Variants in PRUNE2 observed in about 807,000 individuals in gnomAD.
PRUNE2 encodes the protein prune homolog 2 with BCH domain.
Under a neutral mutation model 252.0 loss-of-function variants are expected in PRUNE2, and 164 were observed. That is an observed-to-expected ratio of 0.65 (90% CI 0.57 to 0.74). The LOEUF is 0.74. Among genes scored for constraint, PRUNE2 ranks in the 30% least tolerant of loss-of-function variants. The pLI is 0.00. For synonymous variants in PRUNE2, 1,292 were observed against 1,350.2 expected (o/e 0.96, Z 0.94); for missense variants, 3,495 against 3,711.0 (o/e 0.94, Z 1.51).
At chr9:76,795,928 C>G (rs542020639) in intron 6 of PRUNE2, among the ~76,000 whole-genome samples, 21 of 152,240 alleles carry the variant, frequency 1.4e-4, no homozygotes, top group South Asian at 4.1e-4. Context: ...AAGACTCAAA[C>G]AGATAGATAT....
At chr9:76,725,978 T>C (rs58110854) in intron 6 of PRUNE2, among the ~76,000 whole-genome samples, 1,768 of 152,300 alleles carry the variant, frequency 0.012, 33 homozygotes, top group East Asian at 0.085. Flanking sequence ...AAGAAGAGCC[T>C]GAGCACGCGC....
intron 4 of PRUNE2, among the ~76,000 whole-genome samples, chr9:76,841,323 G>A (rs2059382746): frequency 6.6e-6 from 1 of 152,206 alleles, no homozygotes; most frequent in African/African-American, 2.4e-5. Context: ...GCAACTCACA[G>A]ACCAGGAGAT....
At chr9:76,768,995 G>A (rs888066453) in intron 6 of PRUNE2, among the ~76,000 whole-genome samples, 1 of 152,134 alleles carries the variant, frequency 6.6e-6, no homozygotes, top group East Asian at 1.9e-4. Flanking sequence ...AGTCCTCTCA[G>A]CAGACCTTCT....
rs1196293979 is a variant in PRUNE2, at chr9:76,705,836, A to T, written c.6438T>A (p.Ile2146=). ...LTEPEIDEEP[I]YEPGREFVPS... The stretch of plus-strand genomic sequence containing the variant: ...GGACAAACTCCCGTCCAGGCTCATA[A>T]ATGGGTTCTTCATCTATCTCTGGCT... The change falls in exon 8 of 19, where the codon ATT becomes ATA. Residue 2146 remains isoleucine, a synonymous_variant. Coordinates refer to ENST00000376718, the MANE Select transcript of PRUNE2 (RefSeq NM_015225.3). 5 of 1,613,600 alleles carry T rather than the reference A, an allele frequency of 3.1e-6. No homozygotes were observed. The Admixed American group carries it at 5.0e-5, about 16-fold the overall frequency.
chr9:76,763,416 G>A (rs115251222), intron 6 of PRUNE2, among the ~76,000 whole-genome samples: 2,584 of 152,248 alleles, frequency 0.017, 64 homozygotes, highest in African/African-American at 0.052. Context: ...AAGCATAGGC[G>A]TGCTTCTGGG....
intron 10 of PRUNE2, 44 bp downstream of exon 10, chr9:76,655,379 G>C: frequency 7.5e-7 from 1 of 1,329,336 alleles, no homozygotes; most frequent in South Asian, 1.2e-5. Context: ...AAAACGTTGG[G>C]ATACAGAATA....
intron 2 of PRUNE2, among the ~76,000 whole-genome samples, chr9:76,852,024 T>C (rs1176476057): frequency 6.6e-6 from 1 of 152,228 alleles, no homozygotes; most frequent in African/African-American, 2.4e-5. Flanking sequence ...TTTTAACACC[T>C]TAATCATCTG....
chr9:76,730,686 G>T (rs147823930), intron 6 of PRUNE2, among the ~76,000 whole-genome samples: 3,008 of 152,318 alleles, frequency 0.02, 94 homozygotes, highest in African/African-American at 0.067. Flanking sequence ...CAGATCACGA[G>T]GTCAGGAGTT....
intron 11 of PRUNE2, among the ~76,000 whole-genome samples, chr9:76,648,455 C>G (rs1235002353): frequency 6.6e-6 from 1 of 152,174 alleles, no homozygotes; most frequent in African/African-American, 2.4e-5. Context: ...TAACCTGTGA[C>G]TTGTCCAGAC....
At chr9:76,629,812 C>CT (rs1836703046) in intron 15 of PRUNE2, among the ~76,000 whole-genome samples, 1 of 152,092 alleles carries the variant, frequency 6.6e-6, no homozygotes, top group Admixed American at 6.6e-5. Context: ...ATAAGCTCAA[C>CT]TTTTTTAGAT....
chr9:76,884,722 C>A (rs532217531), intron 1 of PRUNE2, among the ~76,000 whole-genome samples: 1 of 152,186 alleles, frequency 6.6e-6, no homozygotes, highest in Admixed American at 6.5e-5. Flanking sequence ...TAAAATGGAT[C>A]CCTGCATGGG....
intron 6 of PRUNE2, among the ~76,000 whole-genome samples, chr9:76,719,871 T>TC (rs2047478378): frequency 6.6e-6 from 1 of 152,078 alleles, no homozygotes; most frequent in South Asian, 2.1e-4. Flanking sequence ...GGTCCTGAAC[T>TC]CCTGACTTCA....
intron 9 of PRUNE2, among the ~76,000 whole-genome samples, chr9:76,665,416 G>A (rs143732998): frequency 9.5e-4 from 145 of 151,930 alleles, no homozygotes; most frequent in African/African-American, 3.2e-3. Flanking sequence ...CCACAGAGTG[G>A]GGACCTGGGA....
At chr9:76,892,247 G>C (rs1356556669) in intron 1 of PRUNE2, among the ~76,000 whole-genome samples, 1 of 152,174 alleles carries the variant, frequency 6.6e-6, no homozygotes, top group Non-Finnish European at 1.5e-5. Context: ...ACGTGTCGGG[G>C]TGTAGACTTC....
At position 76,648,413 on chromosome 9, in the gene PRUNE2, G is replaced by A. The variant is rs76281575; in HGVS notation, c.8558-3504C>T. ...TCATAATTGCCAAAACTTGGAAGCA[G>A]CCAAGACGTCCTTCAGTAGGTGAAT... On this transcript the variant is annotated intron_variant, in intron 11 of 18. Coordinates refer to ENST00000376718, the MANE Select transcript of PRUNE2 (RefSeq NM_015225.3). 7.1e-3 allele frequency among the ~76,000 whole-genome samples: 1,077 copies of A among 152,322 alleles called. 8 individuals carry two copies. Among genetic ancestry groups the A allele is most frequent in the Non-Finnish European group, 0.011 (724 of 68,032 alleles).
At chr9:76,731,501 A>AT (rs1485840299) in intron 6 of PRUNE2, among the ~76,000 whole-genome samples, 1 of 151,326 alleles carries the variant, frequency 6.6e-6, no homozygotes, top group African/African-American at 2.4e-5. Context: ...TTGTTTTTTT[A>AT]TTTTTTTGTA....
At chr9:76,721,454 G>A (rs2047640824) in intron 6 of PRUNE2, among the ~76,000 whole-genome samples, 1 of 152,116 alleles carries the variant, frequency 6.6e-6, no homozygotes, top group Non-Finnish European at 1.5e-5. Context: ...CTTTTATTAA[G>A]AATAAATTAC....
chr9:76,829,683 A>G (rs2058557022), intron 4 of PRUNE2, among the ~76,000 whole-genome samples: 2 of 152,128 alleles, frequency 1.3e-5, no homozygotes, highest in South Asian at 4.1e-4. Context: ...TGAAGCAAAA[A>G]TGGATCAGTC....
chr9:76,624,456 C>A lies in PRUNE2; in HGVS notation c.9184G>T (p.Ala3062Ser), dbSNP rs865969754. ...TAAACGAAAACCAAGTCTTACTTAG[C>A]TGCCTCTGATGCTTCCCTCAGTTCT... ...DEELREASEA[A>S]KTSCLYNDPE... Residue 3062 changes from alanine to serine, a missense_variant, in exon 17 of 19, where the codon GCT (alanine) becomes TCT (serine). Ala to Ser is a moderately conservative substitution (Grantham distance 99). Transcript: ENST00000376718. 1 of 1,427,524 alleles carries A rather than the reference C, an allele frequency of 7.0e-7. No individual in the cohort carries two copies. Among genetic ancestry groups the A allele is most frequent in the Non-Finnish European group, 9.2e-7 (1 of 1,085,164 alleles). 88.4% of individuals were successfully genotyped at this position (1,427,524 alleles called of 1,614,324 possible).
Sources: allele counts gnomAD v4.1 joint callset (sites outside exome capture counted in the v4.1 genomes callset), GRCh38; gene constraint gnomAD v4.1.1; transcripts MANE v1.5; gene names NCBI Gene and HGNC (gene_info 2026-07-23, HGNC 2026-07-21).